Variants in ASMTL observed in about 807,000 individuals in gnomAD.
ASMTL encodes probable bifunctional dTTP/UTP pyrophosphatase/methyltransferase protein.
Under a neutral mutation model 60.3 loss-of-function variants are expected in ASMTL, and 57 were observed. The observed-to-expected ratio is 0.95, with a 90% confidence interval of 0.76 to 1.18. The LOEUF is 1.18. ASMTL is among the 50% of genes most tolerant of loss of function. ASMTL has a pLI of 0.00. For missense variants in ASMTL, 981 were observed against 852.6 expected (o/e 1.15, Z -1.88); for synonymous variants, 419 against 373.0 (o/e 1.12, Z -1.42).
At chrX:1,440,163 T>A (rs1485862294) in intron 2 of ASMTL, among the ~76,000 whole-genome samples, 5 of 151,370 alleles carry the variant, frequency 3.3e-5, no homozygotes, top group African/African-American at 1.2e-4. Flanking sequence ...CTCGGCTCAC[T>A]GCAAGCTCCG....
chrX:1,413,732 CCTAAA>C (rs2090124953), intron 11 of ASMTL: 1 of 152,280 alleles, frequency 6.6e-6, no homozygotes, highest in Non-Finnish European at 1.5e-5. Context: ...TAGGGTGTCC[CCTAAA>C]TCCAATGACA....
intron 6 of ASMTL, among the ~76,000 whole-genome samples, chrX:1,429,854 T>A (rs2090720690): frequency 1.3e-5 from 2 of 152,002 alleles, no homozygotes; most frequent in Non-Finnish European, 2.9e-5. Context: ...TGTGACATCA[T>A]TAAATCAAGC....
At chrX:1,433,670 A>G (rs1158854367) in intron 5 of ASMTL, among the ~76,000 whole-genome samples, 4 of 151,102 alleles carry the variant, frequency 2.6e-5, no homozygotes, top group African/African-American at 9.7e-5. Context: ...ATAAAGCGAG[A>G]CTCTGTCACA....
At chrX:1,424,810 C>G (rs1603451070) in intron 8 of ASMTL, among the ~76,000 whole-genome samples, 1 of 149,966 alleles carries the variant, frequency 6.7e-6, no homozygotes, top group Non-Finnish European at 1.5e-5. Context: ...ATCTACCCAC[C>G]CTTCCATTTA....
intron 12 of ASMTL, among the ~76,000 whole-genome samples, chrX:1,411,289 G>A (rs1230018714): frequency 6.6e-6 from 1 of 152,178 alleles, no homozygotes; most frequent in Non-Finnish European, 1.5e-5. Context: ...GGGGAGTCCT[G>A]TTTCAACGCG....
Position 1,418,037 on chromosome X carries a change from A to C in ASMTL, c.1458T>G (p.Ile486Met). ...MQVTVFDLPDIIELAAHFQPP... is the reference protein window; with the variant it reads ...MQVTVFDLPDMIELAAHFQPP... ...GTTGGAAGTGGGCGGCCAGCTCGATAATGTCTGGGAGGTCAAACACAGTCA... is the reference window on the plus strand; with the variant it reads ...GTTGGAAGTGGGCGGCCAGCTCGATCATGTCTGGGAGGTCAAACACAGTCA... The change falls in exon 11 of 13, where the codon ATT becomes ATG. Residue 486 changes from isoleucine (I) to methionine (M), a missense_variant. By Grantham distance (10) the Ile-to-Met change is conservative (BLOSUM62 1). Coordinates refer to ENST00000381317, the MANE Select transcript of ASMTL (RefSeq NM_004192.4). 6.2e-7 allele frequency: 1 copy of C among 1,613,498 alleles called. No individual in the cohort carries two copies. Among genetic ancestry groups the C allele is most frequent in the Non-Finnish European group, 8.5e-7 (1 of 1,179,610 alleles).
intron 1 of ASMTL, among the ~76,000 whole-genome samples, chrX:1,449,805 T>C (rs866443398): frequency 1.2e-4 from 13 of 104,514 alleles, no homozygotes; most frequent in African/African-American, 3.5e-4. Flanking sequence ...AGTAACTATC[T>C]CCCATCAACA....
intron 12 of ASMTL, among the ~76,000 whole-genome samples, chrX:1,405,360 T>G (rs1349838645): frequency 1.3e-5 from 2 of 149,810 alleles, no homozygotes; most frequent in African/African-American, 5.0e-5. Context: ...GAGGCATGGA[T>G]GAGATGGATG....
intron 1 of ASMTL, among the ~76,000 whole-genome samples, chrX:1,451,836 C>T (rs1372144902): frequency 1.4e-5 from 2 of 146,538 alleles, no homozygotes; most frequent in African/African-American, 5.1e-5. Flanking sequence ...GGGTTACTCT[C>T]CCCATCCCCA....
intron 1 of ASMTL, among the ~76,000 whole-genome samples, chrX:1,452,266 C>T (rs1254213975): frequency 7.1e-6 from 1 of 140,164 alleles, no homozygotes; most frequent in Non-Finnish European, 1.6e-5. Context: ...CCGGGTTACT[C>T]CCCCACCCCC....
Position 1,439,087 on chromosome X carries a change from C to T in ASMTL, c.273+10G>A, listed in dbSNP as rs369261994. 1.7e-5 allele frequency: 27 copies of T among 1,613,910 alleles called. No homozygotes were observed. In the African/African-American group the frequency reaches 2.7e-4, roughly 16 times the overall value. On this transcript the variant is annotated intron_variant, in intron 3 of 12. Transcript: ENST00000381317. ...GGACATTAGAAACGAGGCACCCTGG[C>T]CGCACTCACCACGATCGTGTCCGCT...
chrX:1,427,204 A>G (rs1462598207), intron 7 of ASMTL, among the ~76,000 whole-genome samples: 1 of 151,580 alleles, frequency 6.6e-6, no homozygotes, highest in African/African-American at 2.4e-5. Flanking sequence ...AAGCCCAGGG[A>G]TGCCTGGAGC....
chrX:1,437,235 A>G (rs1474091309), intron 3 of ASMTL, among the ~76,000 whole-genome samples: 1 of 151,922 alleles, frequency 6.6e-6, no homozygotes, highest in East Asian at 1.9e-4. Context: ...CTAGGCTTGT[A>G]GACGCCGTCT....
chrX:1,412,877 T>C (rs5949004), intron 11 of ASMTL, 23 bp from the exon 12 acceptor site: 693,119 of 1,608,800 alleles, frequency 0.43, 150,548 homozygotes, highest in Admixed American at 0.44. Flanking sequence ...CAAAACGAGA[T>C]ACGTCCGTCA....
chrX:1,434,388 G>A (rs1208897494), intron 5 of ASMTL, among the ~76,000 whole-genome samples: 6 of 151,926 alleles, frequency 3.9e-5, no homozygotes, highest in African/African-American at 9.7e-5. Flanking sequence ...GACTGTAGGG[G>A]CTGAGGCGGG....
intron 1 of ASMTL, 67 bp downstream of exon 1, chrX:1,452,681 C>T: frequency 7.4e-7 from 1 of 1,349,466 alleles, no homozygotes; most frequent in South Asian, 1.3e-5. Flanking sequence ...GTTCCTGAGT[C>T]GCTGGGCCCT....
At chrX:1,443,520 G>A (rs1372644671) in intron 1 of ASMTL, among the ~76,000 whole-genome samples, 3 of 150,546 alleles carry the variant, frequency 2.0e-5, no homozygotes, top group Non-Finnish European at 2.9e-5. Context: ...GTGTCATTGT[G>A]GACACACACC....
intron 1 of ASMTL, among the ~76,000 whole-genome samples, chrX:1,447,478 G>T (rs1490480665): frequency 1.2e-4 from 18 of 145,210 alleles, no homozygotes; most frequent in African/African-American, 4.1e-4. Context: ...CCATGTTGGA[G>T]AAGCACCACC....
chrX:1,415,205 G>A (rs1314563584), intron 11 of ASMTL, among the ~76,000 whole-genome samples: 9 of 151,892 alleles, frequency 5.9e-5, no homozygotes, highest in South Asian at 4.2e-4. Context: ...CCTCCCAGAG[G>A]GCTGGGATTC....
Sources: gnomAD v4.1 joint callset for allele counts (sites outside exome capture counted in the v4.1 genomes callset) on GRCh38, gnomAD v4.1.1 for gene constraint, MANE v1.5 for transcripts, NCBI Gene and HGNC (gene_info 2026-07-23, HGNC 2026-07-21) for gene names.